Variants in ABCC8 observed in about 807,000 individuals in gnomAD.
ABCC8 encodes the protein ATP-binding cassette sub-family C member 8.
In ABCC8, 137 loss-of-function variants were observed where a neutral mutation model predicts 188.0. That is an observed-to-expected ratio of 0.73 (90% CI 0.63 to 0.84). ABCC8 has a LOEUF of 0.84. Among genes scored for constraint, ABCC8 ranks in the 40% least tolerant of loss-of-function variants. The pLI is 0.00. For missense variants in ABCC8, 1,750 were observed against 2,072.7 expected, an observed-to-expected ratio of 0.84 and a Z score of 3.02; for synonymous variants, 797 against 846.5, an observed-to-expected ratio of 0.94 and a Z score of 1.01.
At chr11:17,448,922 T>A (rs1453176539) in intron 7 of ABCC8, among the ~76,000 whole-genome samples, 1 of 152,210 alleles carries the variant, frequency 6.6e-6, no homozygotes, top group East Asian at 1.9e-4. Context: ...TTATTTAATT[T>A]AATTCATTTA....
chr11:17,458,694 A>G (rs113947641), intron 6 of ABCC8, among the ~76,000 whole-genome samples: 26 of 152,222 alleles, frequency 1.7e-4, no homozygotes, highest in African/African-American at 6.0e-4. Context: ...AAAGCCAGAT[A>G]TGGCTTCAAA....
intron 28 of ABCC8, among the ~76,000 whole-genome samples, chr11:17,403,902 C>T (rs1280030296): frequency 1.3e-5 from 2 of 152,098 alleles, no homozygotes; most frequent in Non-Finnish European, 1.5e-5. Context: ...TAAATTTTTT[C>T]CTACAATTTT....
At chr11:17,430,055 C>G (rs986586200) in intron 12 of ABCC8, 1 of 152,906 alleles carries the variant, frequency 6.5e-6, no homozygotes, top group Non-Finnish European at 1.5e-5. Flanking sequence ...TTGTTACTGA[C>G]TGGTTCTCTG....
chr11:17,444,304 A>C (rs1956439159), intron 8 of ABCC8: 1 of 152,262 alleles, frequency 6.6e-6, no homozygotes, highest in African/African-American at 2.4e-5. Context: ...CCTGCCCTGC[A>C]GCATCACCCT....
chr11:17,472,275 T>C (rs1169837438), intron 2 of ABCC8, among the ~76,000 whole-genome samples: 1 of 152,248 alleles, frequency 6.6e-6, no homozygotes, highest in African/African-American at 2.4e-5. Flanking sequence ...TAAAGTTTTA[T>C]ATACAGGCTT....
At chr11:17,449,085 G>A (rs1956656674) in intron 7 of ABCC8, among the ~76,000 whole-genome samples, 1 of 152,050 alleles carries the variant, frequency 6.6e-6, no homozygotes, top group Admixed American at 6.6e-5. Context: ...TGCCTACCAT[G>A]CCCAGCTAAT....
intron 3 of ABCC8, chr11:17,465,313 C>T (rs1157006327): frequency 2.0e-5 from 3 of 152,240 alleles, no homozygotes; most frequent in Non-Finnish European, 2.9e-5. Context: ...GAAAATATGC[C>T]TCATGCTTGT....
intron 10 of ABCC8, among the ~76,000 whole-genome samples, chr11:17,440,894 C>T (rs746869817): frequency 6.6e-5 from 10 of 152,186 alleles, no homozygotes; most frequent in Non-Finnish European, 1.2e-4. Flanking sequence ...AGTGGGACAG[C>T]TTGGTGGCCA....
chr11:17,450,833 T>C (rs1384322232), intron 7 of ABCC8, among the ~76,000 whole-genome samples: 2 of 150,804 alleles, frequency 1.3e-5, no homozygotes, highest in East Asian at 3.9e-4. Flanking sequence ...GGACTACAGG[T>C]GCACGCCAAC....
intron 27 of ABCC8, among the ~76,000 whole-genome samples, chr11:17,405,039 A>G (rs1000956616): frequency 3.3e-5 from 5 of 152,202 alleles, no homozygotes; most frequent in Non-Finnish European, 7.3e-5. Context: ...TGCTGGGGTT[A>G]CAGGAGTGAG....
At chr11:17,442,972 G>T in intron 9 of ABCC8, 90 bp from the exon 10 acceptor site, 1 of 1,598,822 alleles carries the variant, frequency 6.3e-7, no homozygotes, top group East Asian at 2.2e-5. Context: ...TCACTGCCAT[G>T]CCCGCCTCCT....
At chr11:17,394,485 G>C (rs1953802805) in intron 36 of ABCC8, 86 bp from the exon 37 acceptor site, 24 of 1,603,294 alleles carry the variant, frequency 1.5e-5, no homozygotes, top group Non-Finnish European at 1.7e-5. Flanking sequence ...GGGGCTGTTG[G>C]AAAATGTGTG....
chr11:17,393,870 TC>T, intron 37 of ABCC8, 111 bp from the exon 38 acceptor site: 1 of 1,604,928 alleles, frequency 6.2e-7, no homozygotes, highest in African/African-American at 1.3e-5. Flanking sequence ...CTGACCCCGA[TC>T]CTAGTCCCAC....
rs749691195 is a variant in ABCC8 at position 17,395,408 on chromosome 11, G to A, written c.4308-133C>T. 5 of 1,516,642 alleles carry A rather than the reference G, an allele frequency of 3.3e-6. No individual in the cohort carries two copies. The South Asian group carries it at 6.2e-5, about 19-fold the overall frequency. 93.9% of individuals were successfully genotyped at this position (1,516,642 alleles called of 1,614,324 possible). On this transcript the variant is annotated intron_variant, in intron 35 of 38. Coordinates refer to ENST00000389817, the MANE Select transcript of ABCC8 (RefSeq NM_000352.6). The stretch of plus-strand genomic sequence containing the variant: ...TGGGAGAAGCACCGAGGTGGTGGCA[G>A]TGGGTGGGGGACAGCATCTTAGACC...
intron 27 of ABCC8, 92 bp downstream of exon 27, chr11:17,405,402 C>T: frequency 1.3e-6 from 2 of 1,583,750 alleles, no homozygotes; most frequent in Non-Finnish European, 1.7e-6. Flanking sequence ...CTGTGATCAC[C>T]TGATCTGGGG....
intron 3 of ABCC8, among the ~76,000 whole-genome samples, chr11:17,464,882 C>T (rs906696799): frequency 6.6e-6 from 1 of 152,340 alleles, no homozygotes; most frequent in Non-Finnish European, 1.5e-5. Flanking sequence ...CCAGAGGACC[C>T]GAGTGAGGGA....
At chr11:17,436,196 TG>T in intron 10 of ABCC8, 1 of 692,738 alleles carries the variant, frequency 1.4e-6, no homozygotes. Context: ...GGTTCTGGTC[TG>T]GATGGAAGTG....
chr11:17,463,736 G>C (rs1428681839), intron 3 of ABCC8, 132 bp from the exon 4 acceptor site: 1 of 1,161,536 alleles, frequency 8.6e-7, no homozygotes, highest in African/African-American at 1.5e-5. Context: ...CCGAGTAAGT[G>C]GATGTGCACG....
chr11:17,420,511 T>C, intron 16 of ABCC8, among the ~76,000 whole-genome samples: 1 of 152,180 alleles, frequency 6.6e-6, no homozygotes, highest in East Asian at 1.9e-4. Context: ...AGCCCCTGAC[T>C]TCAGCTCCCC....
Sources: allele counts gnomAD v4.1 joint callset (sites outside exome capture counted in the v4.1 genomes callset), GRCh38; gene constraint gnomAD v4.1.1; transcripts MANE v1.5; gene names NCBI Gene and HGNC (gene_info 2026-07-23, HGNC 2026-07-21).